Variants in CROT observed in about 807,000 individuals in gnomAD.
CROT encodes peroxisomal carnitine O-octanoyltransferase.
A neutral mutation model predicts 89.2 loss-of-function variants in CROT; 84 were observed. The observed-to-expected ratio is 0.94, with a 90% CI of 0.79 to 1.13. CROT has a LOEUF of 1.13. Among genes scored for constraint, CROT ranks in the 50% most tolerant of loss-of-function variants. The pLI is 0.00. For missense variants in CROT, 711 were observed against 727.8 expected, an observed-to-expected ratio of 0.98 and a Z score of 0.27; for synonymous variants, 212 against 239.5, an observed-to-expected ratio of 0.89 and a Z score of 1.06.
chr7:87,382,240 A>G (rs980830690), intron 12 of CROT, 59 bp downstream of exon 12: 7 of 1,483,648 alleles, frequency 4.7e-6, no homozygotes, highest in Middle Eastern at 1.8e-4. Flanking sequence ...AACCATATGT[A>G]AAAATTTGGC....
intron 10 of CROT, among the ~76,000 whole-genome samples, chr7:87,378,761 G>A (rs1333089242): frequency 6.6e-6 from 1 of 152,096 alleles, no homozygotes; most frequent in Non-Finnish European, 1.5e-5. Flanking sequence ...GCTTGGCCTG[G>A]GTCACATGCC....
chr7:87,377,166 C>T (rs1327016432), intron 9 of CROT, among the ~76,000 whole-genome samples, 183 bp from the exon 10 acceptor site: 2 of 151,974 alleles, frequency 1.3e-5, no homozygotes, highest in Non-Finnish European at 2.9e-5. Flanking sequence ...AAGTCAGGGC[C>T]AGAATTACTC....
At chr7:87,398,469 C>G in intron 17 of CROT, 55 bp from the exon 18 acceptor site, 3 of 1,600,906 alleles carry the variant, frequency 1.9e-6, no homozygotes, top group Non-Finnish European at 2.6e-6. Context: ...GTTGTATTCA[C>G]CATCACTATT....
chr7:87,379,994 C>T (rs1806938989), intron 10 of CROT, among the ~76,000 whole-genome samples: 1 of 152,006 alleles, frequency 6.6e-6, no homozygotes, highest in Non-Finnish European at 1.5e-5. Context: ...ACCTATACTC[C>T]CAACTACTTG....
intron 13 of CROT, among the ~76,000 whole-genome samples, chr7:87,386,518 C>T (rs971410761): frequency 6.6e-6 from 1 of 152,136 alleles, no homozygotes; most frequent in Non-Finnish European, 1.5e-5. Flanking sequence ...CTCCTTTCAT[C>T]TCTGAATTTA....
In CROT at chr7:87,376,677, G is replaced by A. The variant is rs557722837; in HGVS notation, c.877-672G>A. 2.0e-5 allele frequency among the ~76,000 whole-genome samples: 3 copies of A among 150,984 alleles called. No individual in the cohort carries two copies. The South Asian group carries it at 6.3e-4, about 32-fold the overall frequency. ...AATCACCAGACTTCTTTTTAAGGAA[G>A]AATGTATTTTAATGCAGTGTTGTTC... On this transcript the variant is annotated intron_variant, in intron 9 of 17. Transcript: ENST00000331536.
intron 14 of CROT, among the ~76,000 whole-genome samples, 189 bp downstream of exon 14, chr7:87,391,901 C>T (rs2116178823): frequency 6.6e-6 from 1 of 152,266 alleles, no homozygotes; most frequent in East Asian, 1.9e-4. Flanking sequence ...ACAGGGAAGG[C>T]AGGAAAAGGA....
At chr7:87,365,328 A>T (rs1314260905) in intron 6 of CROT, among the ~76,000 whole-genome samples, 1 of 152,122 alleles carries the variant, frequency 6.6e-6, no homozygotes, top group Non-Finnish European at 1.5e-5. Flanking sequence ...ATCTCTACTA[A>T]AAATACAAAA....
At chr7:87,381,369 T>C (rs138825055) in intron 10 of CROT, among the ~76,000 whole-genome samples, 5 of 152,324 alleles carry the variant, frequency 3.3e-5, no homozygotes, top group Non-Finnish European at 5.9e-5. Flanking sequence ...ACCCAGCCTA[T>C]CTTTCCCACA....
At chr7:87,351,737 C>G (rs952086992) in intron 3 of CROT, among the ~76,000 whole-genome samples, 4 of 152,132 alleles carry the variant, frequency 2.6e-5, no homozygotes, top group South Asian at 2.1e-4. Flanking sequence ...TGTGTATTCC[C>G]TTACTCCACT....
In CROT at chr7:87,392,739, G is replaced by A. The variant is rs778562643; in HGVS notation, c.1514G>A (p.Arg505His). Residue 505 changes from arginine to histidine, a missense_variant, in exon 16 of 18, where the codon CGT (arginine) becomes CAT (histidine). Arg to His is a conservative substitution (Grantham distance 29). Transcript: ENST00000331536. ...TGGGGTTTCATTGCAGGATTTGATCGTCACCTTTTAGGTCTCTTACTCATA... is the reference window on the plus strand; with the variant it reads ...TGGGGTTTCATTGCAGGATTTGATCATCACCTTTTAGGTCTCTTACTCATA... ...KDCSAGKGFD[R>H]HLLGLLLIAK... 29 of 1,613,094 alleles carry A rather than the reference G, an allele frequency of 1.8e-5. No individual in the cohort carries two copies. Among genetic ancestry groups the A allele is most frequent in the Middle Eastern group, 1.6e-4 (1 of 6,078 alleles).
At chr7:87,397,717 T>G (rs1807584082) in intron 17 of CROT, among the ~76,000 whole-genome samples, 1 of 152,240 alleles carries the variant, frequency 6.6e-6, no homozygotes, top group African/African-American at 2.4e-5. Flanking sequence ...GACATTGGTT[T>G]CATCATTATA....
rs1807692369 is a variant in CROT at position 87,399,631 on chromosome 7, T to C, written c.*987T>C. ...TGTGAATAGAAAAATAAAGCACTTA[T>C]GTTTAAATTTGTTACAGTGACTTTT... On this transcript the variant is annotated 3_prime_UTR_variant, in exon 18 of 18. Transcript: ENST00000331536. 6.6e-6 allele frequency: 1 copy of C among 152,226 alleles called. No individual in the cohort carries two copies. Among genetic ancestry groups the C allele is most frequent in the Non-Finnish European group, 1.5e-5 (1 of 68,042 alleles). 9.4% of individuals were successfully genotyped at this position (152,226 alleles called of 1,614,324 possible). A position where few individuals can be genotyped will look rare whatever the true frequency, so the allele number is the denominator to read the frequency against.
chr7:87,361,240 G>T, intron 4 of CROT, 150 bp from the exon 5 acceptor site: 1 of 747,026 alleles, frequency 1.3e-6, no homozygotes, highest in South Asian at 2.0e-5. Context: ...TGGGATTATA[G>T]GTGTGAGTCA....
In CROT at chr7:87,392,648, C is replaced by T. The variant is rs759021569; in HGVS notation, c.1504+4C>T. 2 of 1,612,198 alleles carry T rather than the reference C, an allele frequency of 1.2e-6. No homozygotes were observed. Among genetic ancestry groups the T allele is most frequent in the Non-Finnish European group, 1.7e-6 (2 of 1,179,028 alleles). ...AAAGATTGTTCAGCTGGAAAAGGTA[C>T]TTAAGTTAAAATTTTTCTGACTTAA... On this transcript the variant is annotated splice_donor_region_variant and intron_variant, in intron 15 of 17. Coordinates refer to ENST00000331536, the MANE Select transcript of CROT (RefSeq NM_021151.4).
chr7:87,395,302 T>G (rs1280935151), intron 17 of CROT, among the ~76,000 whole-genome samples: 1 of 152,224 alleles, frequency 6.6e-6, no homozygotes, highest in South Asian at 2.1e-4. Flanking sequence ...CTGGCTGTGC[T>G]GGCAGCTGAT....
At chr7:87,381,242 G>C (rs1414370340) in intron 10 of CROT, among the ~76,000 whole-genome samples, 2 of 152,114 alleles carry the variant, frequency 1.3e-5, no homozygotes, top group Non-Finnish European at 2.9e-5. Context: ...TTTTATCTAA[G>C]GAACATGGGG....
rs199983648 is a variant in CROT at position 87,356,326 on chromosome 7, AG to A, written c.116-2877del. Among the ~76,000 whole-genome samples the A allele has an allele frequency of 2.6e-5, 4 of 152,236 alleles. No homozygotes were observed. In the East Asian group the frequency reaches 7.7e-4, roughly 29 times the overall value. ...GTAAAGTAGTCTTCATGAAAGTTTG[AG>A]GGTTTTTTATTTTTGTTTTTGTTTG... On this transcript the variant is annotated intron_variant, in intron 3 of 17. Transcript: ENST00000331536.
At chr7:87,361,879 T>C (rs1459021391) in intron 6 of CROT, 27 bp downstream of exon 6, 7 of 1,552,450 alleles carry the variant, frequency 4.5e-6, no homozygotes, top group Non-Finnish European at 6.1e-6. Context: ...ATATCGTTTT[T>C]AGTAAAGGCA....
Sources: allele counts gnomAD v4.1 joint callset (sites outside exome capture counted in the v4.1 genomes callset), GRCh38; gene constraint gnomAD v4.1.1; transcripts MANE v1.5; gene names NCBI Gene and HGNC (gene_info 2026-07-23, HGNC 2026-07-21).